KCNK2: variants seen among roughly 807,000 people sequenced by gnomAD.
The protein encoded by KCNK2 is potassium two pore domain channel subfamily K member 2, also known as potassium channel subfamily K member 2.
Under a neutral mutation model 40.5 loss-of-function variants are expected in KCNK2, and 21 were observed. The observed-to-expected ratio is 0.52, with a 90% CI of 0.37 to 0.75. The LOEUF is 0.75. KCNK2 is among the 30% of genes least tolerant of loss of function. The pLI, the probability that KCNK2 is intolerant of heterozygous loss-of-function variation, is 0.00. For synonymous variants in KCNK2, 191 were observed against 202.2 expected (o/e 0.94, Z 0.47); for missense variants, 399 against 531.6 (o/e 0.75, Z 2.45).
At position 215,007,195 on chromosome 1, in the gene KCNK2, A is replaced by G. The variant is rs1212710312; in HGVS notation, c.34+1240A>G. On this transcript the variant is annotated intron_variant, in intron 1 of 6. Coordinates refer to the KCNK2 transcript ENST00000391895. Reference sequence around the variant, plus strand: ...TATGTATGTGTGTGGGTATATATATATATATATATATATATATATATATAT... The same window carrying G: ...TATGTATGTGTGTGGGTATATATATGTATATATATATATATATATATATAT... Among the ~76,000 whole-genome samples the G allele has an allele frequency of 3.6e-3, 175 of 48,820 alleles. 6 individuals carry two copies. Among genetic ancestry groups the G allele is most frequent in the South Asian group, 0.016 (10 of 642 alleles). 32.0% of individuals were successfully genotyped at this position (48,820 alleles called of 152,430 possible).
intron 4 of KCNK2, among the ~76,000 whole-genome samples, chr1:215,171,314 T>C (rs1663702189): frequency 6.6e-6 from 1 of 152,114 alleles, no homozygotes; most frequent in Non-Finnish European, 1.5e-5. Context: ...CCTAGGGATA[T>C]TGAAGACTTA....
At chr1:215,089,089 A>T (rs1659583234) in intron 2 of KCNK2, among the ~76,000 whole-genome samples, 1 of 152,216 alleles carries the variant, frequency 6.6e-6, no homozygotes, top group South Asian at 2.1e-4. Context: ...CAATAATCAT[A>T]TATTAGAATT....
At chr1:215,103,179 A>C (rs12086417) in intron 2 of KCNK2, among the ~76,000 whole-genome samples, 16,059 of 151,704 alleles carry the variant, frequency 0.11, 2,826 homozygotes, top group African/African-American at 0.36. Context: ...CGATATAGGG[A>C]GAGAGGAGAT....
chr1:215,025,438 C>T (rs2841600), intron 1 of KCNK2, among the ~76,000 whole-genome samples: 66,707 of 151,724 alleles, frequency 0.44, 16,346 homozygotes, highest in Non-Finnish European at 0.55. Flanking sequence ...TCTTCATTCT[C>T]CTATATTTAC....
At chr1:215,105,947 T>G (rs1420314242) in intron 2 of KCNK2, among the ~76,000 whole-genome samples, 5 of 152,158 alleles carry the variant, frequency 3.3e-5, no homozygotes, top group Non-Finnish European at 7.4e-5. Flanking sequence ...GGCTGCATAG[T>G]ATTGCATGGT....
chr1:215,055,505 G>C (rs2102502832), intron 1 of KCNK2, among the ~76,000 whole-genome samples: 1 of 152,308 alleles, frequency 6.6e-6, no homozygotes, highest in East Asian at 1.9e-4. Flanking sequence ...CAAAGGAAAG[G>C]AACCTGCTTT....
intron 4 of KCNK2, 101 bp downstream of exon 4, chr1:215,169,460 T>A (rs1663600111): frequency 1.1e-6 from 1 of 891,354 alleles, no homozygotes; most frequent in South Asian, 1.7e-5. Flanking sequence ...ATTCAATTAT[T>A]AGGGCTTCCA....
At chr1:215,086,293 A>G (rs1659432026) in intron 1 of KCNK2, 75 bp from the exon 2 acceptor site, 1 of 1,214,684 alleles carries the variant, frequency 8.2e-7, no homozygotes, top group East Asian at 2.3e-5. Context: ...ACCTTCTCTG[A>G]CCCCTTAAAG....
intron 3 of KCNK2, among the ~76,000 whole-genome samples, chr1:215,134,800 G>C (rs901785715): frequency 6.6e-6 from 1 of 152,002 alleles, no homozygotes; most frequent in African/African-American, 2.4e-5. Context: ...ATCAAAGACC[G>C]ATTATTAGAA....
intron 2 of KCNK2, among the ~76,000 whole-genome samples, chr1:215,093,421 A>G (rs1169736411): frequency 3.0e-5 from 4 of 133,362 alleles, no homozygotes; most frequent in South Asian, 2.1e-4. Context: ...TATATAATAT[A>G]TATTATGTAC....
At chr1:215,190,101 T>C (rs1376845302) in intron 5 of KCNK2, among the ~76,000 whole-genome samples, 1 of 152,256 alleles carries the variant, frequency 6.6e-6, no homozygotes, top group African/African-American at 2.4e-5. Context: ...CCAGGATATA[T>C]CTTTTTTCTT....
intron 1 of KCNK2, among the ~76,000 whole-genome samples, chr1:215,059,138 T>C (rs1658279754): frequency 1.7e-5 from 2 of 115,210 alleles, no homozygotes; most frequent in Non-Finnish European, 3.6e-5. Flanking sequence ...TGTATATATA[T>C]ACACACACAT....
At chr1:215,120,898 TAA>T (rs1219495102) in intron 2 of KCNK2, among the ~76,000 whole-genome samples, 1 of 152,234 alleles carries the variant, frequency 6.6e-6, no homozygotes, top group Non-Finnish European at 1.5e-5. Context: ...TTTAGTTTTT[TAA>T]AGTTTTATGT....
In KCNK2 at chr1:215,226,974, G is replaced by A. The variant is rs999685609; in HGVS notation, c.964-7854G>A. 4.6e-5 allele frequency among the ~76,000 whole-genome samples: 7 copies of A among 152,166 alleles called. 1 individual carries two copies. In the South Asian group the frequency reaches 1.4e-3, roughly 32 times the overall value. On this transcript the variant is annotated intron_variant, in intron 6 of 6. Transcript: ENST00000444842. ...TGCTTTTCACCGGCTGCATCTTCCT[G>A]CTGAGAGGATCAAGATTATCCCATC...
intron 6 of KCNK2, among the ~76,000 whole-genome samples, chr1:215,214,285 G>A (rs1277143799): frequency 6.6e-6 from 1 of 152,008 alleles, no homozygotes; most frequent in Non-Finnish European, 1.5e-5. Flanking sequence ...GAGAGAGTGC[G>A]GGAAGAGCTA....
Position 215,083,209 on chromosome 1 carries a change from C to CCCCCCCCCT in KCNK2, c.-177_-176insCCCCCCCCT. 1 of 1,165,596 alleles carries CCCCCCCCCT rather than the reference C, an allele frequency of 8.6e-7. No homozygotes were observed. Among genetic ancestry groups the CCCCCCCCCT allele is most frequent in the Non-Finnish European group, 1.2e-6 (1 of 831,722 alleles). The allele number at this position is 1,165,596 out of a possible 1,614,324, so 72.2% of individuals were successfully genotyped here. ...CTTCTCACGCTCCCCCCCCCGCCCC[C>CCCCCCCCCT]TCCCGCGTCCAGCCCCGCTCTCCCC... On this transcript the variant is annotated 5_prime_UTR_variant, in exon 1 of 7. Coordinates refer to ENST00000444842, the MANE Select transcript of KCNK2 (RefSeq NM_001017425.3).
intron 3 of KCNK2, among the ~76,000 whole-genome samples, chr1:215,125,277 A>G (rs1571640905): frequency 6.6e-6 from 1 of 152,128 alleles, no homozygotes; most frequent in African/African-American, 2.4e-5. Flanking sequence ...TTAACACTGA[A>G]ATGTAAGGAT....
intron 1 of KCNK2, among the ~76,000 whole-genome samples, chr1:215,046,736 T>TA (rs1657785530): frequency 1.3e-5 from 2 of 152,048 alleles, no homozygotes; most frequent in African/African-American, 2.4e-5. Context: ...GAGGTAATGG[T>TA]AAAAAAATTA....
intron 6 of KCNK2, among the ~76,000 whole-genome samples, chr1:215,200,190 G>A (rs1012776744): frequency 2.0e-5 from 3 of 152,184 alleles, no homozygotes; most frequent in Non-Finnish European, 2.9e-5. Flanking sequence ...ACTGGACAAC[G>A]CTAGTGCCAA....
Sources: gnomAD v4.1 joint callset for allele counts (sites outside exome capture counted in the v4.1 genomes callset) on GRCh38, gnomAD v4.1.1 for gene constraint, MANE v1.5 for transcripts, NCBI Gene and HGNC (gene_info 2026-07-23, HGNC 2026-07-21) for gene names.